Variants in VPS13B observed in about 807,000 individuals in gnomAD.
VPS13B encodes intermembrane lipid transfer protein VPS13B.
Under a neutral mutation model 426.4 loss-of-function variants are expected in VPS13B, and 285 were observed. The observed-to-expected ratio is 0.67, with a 90% CI of 0.61 to 0.74. The LOEUF (loss-of-function observed/expected upper bound fraction) is 0.74, where lower values mean the gene tolerates loss of function less well. Ranked by LOEUF, VPS13B falls within the 30% of genes least tolerant of loss-of-function variation. VPS13B has a pLI of 0.00. For missense variants in VPS13B, 4,537 were observed against 4,782.6 expected (o/e 0.95, Z 1.51); for synonymous variants, 1,676 against 1,676.4 (o/e 1.00, Z 0.01).
chr8:99,653,465 ATTTT>A (rs34923754), intron 34 of VPS13B, among the ~76,000 whole-genome samples: 1 of 136,864 alleles, frequency 7.3e-6, no homozygotes, highest in Non-Finnish European at 1.6e-5. Flanking sequence ...ATGTGACTTC[ATTTT>A]TTTTTTTTTT....
intron 19 of VPS13B, among the ~76,000 whole-genome samples, chr8:99,359,278 C>T (rs1259630005): frequency 2.0e-5 from 3 of 152,012 alleles, no homozygotes; most frequent in Admixed American, 1.3e-4. Context: ...GTATTTTCTT[C>T]CAAGATTCTA....
intron 17 of VPS13B, among the ~76,000 whole-genome samples, chr8:99,230,821 C>T (rs1469263356): frequency 1.3e-5 from 2 of 152,190 alleles, no homozygotes; most frequent in African/African-American, 4.8e-5. Context: ...AGTAGAAATG[C>T]AGATTCAAGT....
At chr8:99,195,115 G>A (rs752213981) in intron 17 of VPS13B, among the ~76,000 whole-genome samples, 6 of 152,160 alleles carry the variant, frequency 3.9e-5, no homozygotes, top group African/African-American at 7.2e-5. Context: ...AAAGTGCTGG[G>A]ATTATAGGCG....
chr8:99,088,388 AG>A (rs1365201177), intron 3 of VPS13B, among the ~76,000 whole-genome samples: 5 of 152,122 alleles, frequency 3.3e-5, no homozygotes, highest in Non-Finnish European at 7.4e-5. Context: ...CAGACATAAA[AG>A]TTAGATTATA....
chr8:99,632,804 A>G (rs1023191006), intron 33 of VPS13B, among the ~76,000 whole-genome samples: 1 of 152,014 alleles, frequency 6.6e-6, no homozygotes, highest in Admixed American at 6.6e-5. Context: ...CAGTTTAAAT[A>G]TGATCTATAC....
intron 51 of VPS13B, among the ~76,000 whole-genome samples, chr8:99,828,577 T>TG (rs1814866530): frequency 6.6e-6 from 1 of 152,072 alleles, no homozygotes. Context: ...GCCTTTTAAT[T>TG]GGGGCATTAG....
Position 99,511,429 on chromosome 8 carries a change from G to T in VPS13B, c.4550G>T (p.Arg1517Leu), listed in dbSNP as rs531149269. 3.1e-6 allele frequency: 5 copies of T among 1,613,126 alleles called. No homozygotes were observed. The highest frequency in any genetic ancestry group is 3.4e-6 in the Non-Finnish European group (4 of 1,179,818). The change falls in exon 29 of 62, where the codon CGC (arginine) becomes CTC (leucine). Residue 1517 changes from arginine (R) to leucine (L), a missense_variant. By Grantham distance (102) the Arg-to-Leu change is moderately radical (BLOSUM62 -2). Transcript: ENST00000357162. ...ATGAGGACCCATACACTGACATCCC[G>T]CAATTTACCTTTGATTTATGTCAAC... The part of the protein sequence containing the change: ...QPMRTHTLTS[R>L]NLPLIYVNTS...
At position 99,295,351 on chromosome 8, in the gene VPS13B, CAGA is replaced by C. The variant is rs555885686; in HGVS notation, c.2824+20100_2824+20102del. The stretch of plus-strand genomic sequence containing the variant: ...GAGGTTAAGTAATGGATTTTATGAT[CAGA>C]AGGGACTTGTTCTAAAGTTGACAGA... On this transcript the variant is annotated intron_variant, in intron 19 of 61. Transcript: ENST00000357162. Among the ~76,000 whole-genome samples the C allele has an allele frequency of 1.6e-4, 24 of 152,218 alleles. No individual in the cohort carries two copies. In the East Asian group the frequency reaches 2.5e-3, roughly 16 times the overall value.
Position 99,235,034 on chromosome 8 carries a change from A to G in VPS13B, c.2516-39164A>G, listed in dbSNP as rs1455324563. Among the ~76,000 whole-genome samples, 3 of 152,232 alleles carry G rather than the reference A, an allele frequency of 2.0e-5. No homozygotes were observed. The East Asian group carries it at 5.8e-4, about 29-fold the overall frequency. ...ACCTTACTTTCTCAGTAATCTTAAA[A>G]TAATAGAATTTTACAAGAGTGCTTT... On this transcript the variant is annotated intron_variant, in intron 17 of 61. Transcript: ENST00000357162.
intron 30 of VPS13B, among the ~76,000 whole-genome samples, chr8:99,521,926 T>C (rs1195465497): frequency 1.3e-5 from 2 of 152,210 alleles, no homozygotes; most frequent in African/African-American, 4.8e-5. Flanking sequence ...GACTTATGTA[T>C]GTATGATCTC....
intron 24 of VPS13B, among the ~76,000 whole-genome samples, chr8:99,474,972 A>T (rs1043270414): frequency 2.0e-5 from 3 of 152,172 alleles, no homozygotes; most frequent in African/African-American, 7.2e-5. Context: ...TAGTAAAAAA[A>T]TTATGGCCTA....
At chr8:99,598,855 C>A (rs2133853082) in intron 33 of VPS13B, among the ~76,000 whole-genome samples, 1 of 151,784 alleles carries the variant, frequency 6.6e-6, no homozygotes, top group Non-Finnish European at 1.5e-5. Context: ...GGTGCCTGTT[C>A]TTATGCTGTC....
intron 34 of VPS13B, among the ~76,000 whole-genome samples, chr8:99,644,402 A>G (rs1364931746): frequency 6.6e-6 from 1 of 152,208 alleles, no homozygotes; most frequent in Non-Finnish European, 1.5e-5. Context: ...CAGCAAAGTT[A>G]TAAGAGCTCA....
At chr8:99,162,102 C>T (rs1364246397) in intron 15 of VPS13B, among the ~76,000 whole-genome samples, 1 of 152,136 alleles carries the variant, frequency 6.6e-6, no homozygotes, top group Non-Finnish European at 1.5e-5. Context: ...CATTTTCATA[C>T]TTCTACTGTG....
chr8:99,302,016 A>G (rs573241660), intron 19 of VPS13B, among the ~76,000 whole-genome samples: 2 of 152,296 alleles, frequency 1.3e-5, no homozygotes, highest in African/African-American at 4.8e-5. Context: ...AGCAGTACTC[A>G]TAGTGTCAAA....
In VPS13B at chr8:99,717,272, A is replaced by T; in HGVS notation, c.6556A>T (p.Thr2186Ser). The T allele has an allele frequency of 6.8e-6, 11 of 1,614,094 alleles. No homozygotes were observed. Among genetic ancestry groups the T allele is most frequent in the Non-Finnish European group, 9.3e-6 (11 of 1,179,960 alleles). The stretch of plus-strand genomic sequence containing the variant: ...CATTCTGATAGGACCATGTTGTGCT[A>T]CTGCCAATCTGGAAGCTAAGTGGTG... ...SRILIGPCCA[T>S]ANLEAKWCKH... is the part of the protein sequence containing the mutation. Residue 2186 changes from threonine to serine, a missense_variant, in exon 37 of 62, where the codon ACT becomes TCT. Thr to Ser is a moderately conservative substitution (Grantham distance 58). Coordinates refer to ENST00000357162, the MANE Select transcript of VPS13B (RefSeq NM_152564.5).
intron 31 of VPS13B, among the ~76,000 whole-genome samples, chr8:99,564,237 A>G (rs999591706): frequency 2.0e-5 from 3 of 152,214 alleles, no homozygotes; most frequent in Non-Finnish European, 4.4e-5. Flanking sequence ...CAGAACCAAT[A>G]GAGTATTACA....
intron 21 of VPS13B, among the ~76,000 whole-genome samples, chr8:99,413,603 T>C (rs1412889406): frequency 6.6e-6 from 1 of 152,234 alleles, no homozygotes; most frequent in Non-Finnish European, 1.5e-5. Context: ...CTGCTTTAGC[T>C]GTATCCCCGA....
In VPS13B at chr8:99,784,384, C is replaced by T. The variant is rs1812159597; in HGVS notation, c.7849C>T (p.Leu2617=). 6.2e-7 allele frequency: 1 copy of T among 1,613,640 alleles called. No individual in the cohort carries two copies. Among genetic ancestry groups the T allele is most frequent in the African/African-American group, 1.3e-5 (1 of 74,898 alleles). Residue 2617 remains leucine, a synonymous_variant, in exon 43 of 62, where the codon CTG becomes TTG. Transcript: ENST00000357162. The part of the protein sequence containing the change: ...FVICNDTQET[L]RFGQVDTDEN... ...GATCTGTAATGACACACAGGAGACA[C>T]TGCGGTTTGGCCAGGTGGATACTGA...
Sources: allele counts gnomAD v4.1 joint callset (sites outside exome capture counted in the v4.1 genomes callset), GRCh38; gene constraint gnomAD v4.1.1; transcripts MANE v1.5; gene names NCBI Gene and HGNC (gene_info 2026-07-23, HGNC 2026-07-21).